Variants in NOS2 observed in about 807,000 individuals in gnomAD.
The protein encoded by NOS2 is nitric oxide synthase, inducible.
NOS2 carries 96 observed loss-of-function variants against 136.0 expected under a neutral mutation model. That is an observed-to-expected ratio of 0.71 (90% confidence interval 0.60 to 0.84). The LOEUF (loss-of-function observed/expected upper bound fraction) is 0.84. NOS2 is among the 40% of genes least tolerant of loss of function. The pLI is 0.00. For missense variants in NOS2, 1,237 were observed against 1,496.9 expected (o/e 0.83, Z 2.87); for synonymous variants, 539 against 587.5 (o/e 0.92, Z 1.20).
intron 2 of NOS2, among the ~76,000 whole-genome samples, chr17:27,794,714 G>GCGCACACACACACACACA (rs371758052): frequency 1.4e-5 from 2 of 145,506 alleles, no homozygotes; most frequent in African/African-American, 2.5e-5. Context: ...ACACACACGC[G>GCGCACACACACACACACA]CACACACACA....
intron 2 of NOS2, among the ~76,000 whole-genome samples, chr17:27,790,244 C>CCACCA (rs1909148734): frequency 6.6e-6 from 1 of 152,168 alleles, no homozygotes; most frequent in Non-Finnish European, 1.5e-5. Flanking sequence ...CAGGCGCACA[C>CCACCA]CACCACACCT....
intron 5 of NOS2, 69 bp downstream of exon 5, chr17:27,787,609 G>A (rs1208911605): frequency 6.0e-5 from 71 of 1,181,012 alleles, no homozygotes; most frequent in Non-Finnish European, 8.7e-5. Context: ...GGATCAGAGG[G>A]TGATGGGTAG....
Position 27,760,171 on chromosome 17 carries a change from C to G in NOS2, c.3018G>C (p.Arg1006=), listed in dbSNP as rs1479049155. Residue 1006 remains arginine (R), a synonymous_variant, in exon 25 of 27, where the codon CGG becomes CGC. Coordinates refer to ENST00000313735, the MANE Select transcript of NOS2 (RefSeq NM_000625.4). ...CAAACACCAAGGTCATGCGGCCTCC[C>G]CGCACTCCTGCAGGAGTCCCGGGCT... ...RLHDSQHKGV[R]GGRMTLVFGC... is the part of the protein sequence containing the mutation. 4.4e-6 allele frequency: 7 copies of G among 1,573,718 alleles called. No individual in the cohort carries two copies. The highest frequency in any genetic ancestry group is 3.5e-4 in the Middle Eastern group (2 of 5,784).
chr17:27,778,581 C>T, intron 11 of NOS2, 109 bp downstream of exon 11: 1 of 852,398 alleles, frequency 1.2e-6, no homozygotes, highest in Non-Finnish European at 2.0e-6. Context: ...GTTGCTGGAC[C>T]TCTAGAGTGA....
chr17:27,769,265 A>C, intron 16 of NOS2, 114 bp from the exon 17 acceptor site: 2 of 1,094,552 alleles, frequency 1.8e-6, no homozygotes, highest in Non-Finnish European at 2.6e-6. Context: ...CCAGCTGGAG[A>C]ATGGAGCTGG....
intron 19 of NOS2, among the ~76,000 whole-genome samples, 157 bp downstream of exon 19, chr17:27,766,353 G>A (rs777312311): frequency 3.9e-5 from 6 of 152,206 alleles, no homozygotes; most frequent in Non-Finnish European, 7.3e-5. Flanking sequence ...ACAGGTGGCC[G>A]CAGGTTACCA....
intron 22 of NOS2, 35 bp downstream of exon 22, chr17:27,762,763 G>C (rs1463236609): frequency 7.0e-7 from 1 of 1,423,204 alleles, no homozygotes; most frequent in Admixed American, 2.1e-5. Flanking sequence ...AATGGGCGGA[G>C]CGGGGCTGTT....
At chr17:27,768,005 G>C (rs1277881503) in intron 17 of NOS2, among the ~76,000 whole-genome samples, 168 bp from the exon 18 acceptor site, 1 of 152,210 alleles carries the variant, frequency 6.6e-6, no homozygotes, top group Non-Finnish European at 1.5e-5. Flanking sequence ...ACTCAAAGAG[G>C]TGTCTGGGCT....
At chr17:27,793,934 T>TG (rs1226903213) in intron 2 of NOS2, among the ~76,000 whole-genome samples, 2 of 152,226 alleles carry the variant, frequency 1.3e-5, no homozygotes, top group African/African-American at 2.4e-5. Flanking sequence ...TGGATGGCAC[T>TG]GGACTGTGTC....
At position 27,765,608 on chromosome 17, in the gene NOS2, T is replaced by C. The variant is rs749676538; in HGVS notation, c.2355A>G (p.Gln785=). 2.5e-6 allele frequency: 4 copies of C among 1,612,940 alleles called. No individual in the cohort carries two copies. In the Admixed American group the frequency reaches 5.0e-5, roughly 20 times the overall value. ...CATCCACCACTCGCTCCAGGATACC[T>C]TGGACCAGGGCCGGCTGGTTGCCTG... ...VCPGNQPALV[Q]GILERVVDGP... The change falls in exon 20 of 27, where the codon CAA becomes CAG. Residue 785 remains glutamine (Q), a synonymous_variant. Transcript: ENST00000313735.
intron 22 of NOS2, 98 bp from the exon 23 acceptor site, chr17:27,761,329 C>T: frequency 1.2e-6 from 1 of 822,444 alleles, no homozygotes; most frequent in Admixed American, 2.3e-5. Flanking sequence ...TGGACGCCCC[C>T]ACTCAGGCAC....
chr17:27,781,129 G>C lies in NOS2; in HGVS notation c.771C>G (p.Phe257Leu). Residue 257 changes from phenylalanine to leucine, a missense_variant, in exon 8 of 27, where the codon TTC becomes TTG. Around this residue, in one of 3 missense-constraint regions of NOS2, gnomAD observed 440 missense variants for 545.4 expected, o/e 0.81. Transcript: ENST00000313735. ...FPQRSDGKHDFRVWNAQLIRY... is the reference protein window; with the variant it reads ...FPQRSDGKHDLRVWNAQLIRY... ...GGATGAGCTGAGCATTCCACACCCG[G>C]AAGTCGTGCTTGCCATCACTCCGCT... is the stretch of plus-strand genomic sequence containing the variant. 6.2e-7 allele frequency: 1 copy of C among 1,612,556 alleles called. No individual in the cohort carries two copies. The highest frequency in any genetic ancestry group is 8.5e-7 in the Non-Finnish European group (1 of 1,180,012).
At chr17:27,768,798 C>T (rs1293717111) in intron 17 of NOS2, among the ~76,000 whole-genome samples, 179 bp downstream of exon 17, 1 of 152,202 alleles carries the variant, frequency 6.6e-6, no homozygotes, top group Non-Finnish European at 1.5e-5. Flanking sequence ...TTCTAGGGGG[C>T]TGAGGGAGAG....
chr17:27,796,938 T>C (rs898482187), intron 2 of NOS2, among the ~76,000 whole-genome samples: 6 of 152,076 alleles, frequency 3.9e-5, no homozygotes, highest in African/African-American at 1.4e-4. Flanking sequence ...CTCCTCCAAT[T>C]CACCTACCAC....
chr17:27,761,623 G>A (rs551845423), intron 22 of NOS2, among the ~76,000 whole-genome samples: 1 of 152,318 alleles, frequency 6.6e-6, no homozygotes, highest in African/African-American at 2.4e-5. Flanking sequence ...ACTGACAGCA[G>A]CATGAAGTGG....
At chr17:27,798,351 A>G (rs1009682619) in intron 2 of NOS2, among the ~76,000 whole-genome samples, 7 of 152,138 alleles carry the variant, frequency 4.6e-5, no homozygotes, top group African/African-American at 1.7e-4. Context: ...GACGCAGGCC[A>G]GGATGCTGAC....
At chr17:27,763,309 A>G (rs1908196124) in intron 21 of NOS2, among the ~76,000 whole-genome samples, 1 of 152,208 alleles carries the variant, frequency 6.6e-6, no homozygotes, top group Admixed American at 6.5e-5. Flanking sequence ...CCTGGGTTCA[A>G]ATCTTGGCTG....
intron 2 of NOS2, among the ~76,000 whole-genome samples, chr17:27,791,816 T>G (rs1197417213): frequency 8.1e-6 from 1 of 123,122 alleles, no homozygotes. Flanking sequence ...AATATATATA[T>G]ATATGGCAAT....
chr17:27,782,153 G>T, intron 6 of NOS2, 47 bp from the exon 7 acceptor site: 1 of 1,522,172 alleles, frequency 6.6e-7, no homozygotes, highest in Non-Finnish European at 9.1e-7. Flanking sequence ...TGGGTAGACA[G>T]AGGCTTTGAG....
Sources: gnomAD v4.1 joint callset for allele counts (sites outside exome capture counted in the v4.1 genomes callset) on GRCh38, gnomAD v4.1.1 for gene constraint, gnomAD v4.1.1 regional missense constraint, MANE v1.5 for transcripts, NCBI Gene and HGNC (gene_info 2026-07-23, HGNC 2026-07-21) for gene names.